The following CTNND2 variants were observed in gnomAD, a reference collection of about 807,000 sequenced individuals.
CTNND2 encodes catenin delta-2.
In CTNND2, 22 loss-of-function variants were observed where a neutral mutation model predicts 144.4. The observed-to-expected ratio is 0.15, with a 90% CI of 0.11 to 0.22. The LOEUF (loss-of-function observed/expected upper bound fraction) is 0.22. Ranked by LOEUF, CTNND2 falls within the 10% of genes least tolerant of loss-of-function variation. The pLI is 1.00. For synonymous variants in CTNND2, 751 were observed against 695.6 expected, an observed-to-expected ratio of 1.08 and a Z score of -1.25; for missense variants, 1,353 against 1,618.8, an observed-to-expected ratio of 0.84 and a Z score of 2.82.
intron 14 of CTNND2, among the ~76,000 whole-genome samples, chr5:11,101,201 C>A (rs1174890163): frequency 6.6e-6 from 1 of 152,136 alleles, no homozygotes; most frequent in East Asian, 1.9e-4. Flanking sequence ...GTACTTTATT[C>A]AAACTTTTAT....
intron 16 of CTNND2, among the ~76,000 whole-genome samples, chr5:11,081,025 C>T (rs61757073): frequency 1.3e-5 from 2 of 151,732 alleles, no homozygotes; most frequent in East Asian, 3.9e-4. Flanking sequence ...TGCAGTAAGT[C>T]AAGATTATGC....
chr5:11,642,692 A>G (rs570744725), intron 2 of CTNND2, among the ~76,000 whole-genome samples: 3 of 152,356 alleles, frequency 2.0e-5, no homozygotes, highest in Non-Finnish European at 2.9e-5. Flanking sequence ...GGCACAGGCA[A>G]TAAGGGTGAC....
At chr5:11,443,294 GTGTGTGCA>G (rs1764474287) in intron 3 of CTNND2, among the ~76,000 whole-genome samples, 2 of 93,892 alleles carry the variant, frequency 2.1e-5, no homozygotes, top group African/African-American at 1.6e-4. Flanking sequence ...TGTGTGTGGT[GTGTGTGCA>G]TGTGTGTGGT....
In CTNND2 at chr5:11,903,513, G is replaced by T; in HGVS notation, c.37+304C>A. 1 of 625,772 alleles carries T rather than the reference G, an allele frequency of 1.6e-6. No homozygotes were observed. Among genetic ancestry groups the T allele is most frequent in the Non-Finnish European group, 2.3e-6 (1 of 434,640 alleles). The allele number at this position is 625,772 out of a possible 1,614,324, so 38.8% of individuals were successfully genotyped here. A position where few individuals can be genotyped will look rare whatever the true frequency, so the allele number is the denominator to read the frequency against. ...CAGGGTGGCGGGGAGCAGCATTGTCGGTGTTGCCCTAAATACGCTTCCTCC... is the reference window on the plus strand; with the variant it reads ...CAGGGTGGCGGGGAGCAGCATTGTCTGTGTTGCCCTAAATACGCTTCCTCC... On this transcript the variant is annotated intron_variant, in intron 1 of 21. Coordinates refer to ENST00000304623, the MANE Select transcript of CTNND2 (RefSeq NM_001332.4). This position sits in a 1 kb window ranked among gnomAD's most constrained non-coding sequence, Gnocchi z 5.4.
At chr5:11,037,453 A>T (rs571559132) in intron 16 of CTNND2, among the ~76,000 whole-genome samples, 1 of 152,314 alleles carries the variant, frequency 6.6e-6, no homozygotes, top group Non-Finnish European at 1.5e-5. Flanking sequence ...AGTTACACGC[A>T]TCCCTATATC....
intron 1 of CTNND2, among the ~76,000 whole-genome samples, chr5:11,899,961 A>G (rs1179650740): frequency 3.9e-5 from 6 of 152,206 alleles, no homozygotes; most frequent in South Asian, 4.1e-4. Context: ...TTGTCATTTC[A>G]GATCACAAAC....
chr5:11,736,710 C>A (rs115867540), intron 1 of CTNND2, among the ~76,000 whole-genome samples: 211 of 152,278 alleles, frequency 1.4e-3, no homozygotes, highest in African/African-American at 5.0e-3. Context: ...AGTATTTAAT[C>A]TGTGCAACCA....
chr5:11,583,943 C>A (rs895900102), intron 2 of CTNND2, among the ~76,000 whole-genome samples: 13 of 152,182 alleles, frequency 8.5e-5, no homozygotes, highest in African/African-American at 3.1e-4. Flanking sequence ...AACTGAAAGT[C>A]TCCCTTTTTA....
At chr5:11,790,091 T>G (rs1791053905) in intron 1 of CTNND2, among the ~76,000 whole-genome samples, 1 of 152,222 alleles carries the variant, frequency 6.6e-6, no homozygotes, top group African/African-American at 2.4e-5. Context: ...CTTCGAGGAT[T>G]GAATTTGCTC....
rs750212865 is a variant in CTNND2, at chr5:11,364,649, G to C, written c.1372+47C>G. 22 of 1,510,122 alleles carry C rather than the reference G, an allele frequency of 1.5e-5. No homozygotes were observed. In the African/African-American group the frequency reaches 2.4e-4, roughly 16 times the overall value. The allele number at this position is 1,510,122 out of a possible 1,614,324, so 93.5% of individuals were successfully genotyped here. A position where few individuals can be genotyped will look rare whatever the true frequency, so the allele number is the denominator to read the frequency against. ...AGTGTTATTGAAGCTCCCGCGCAGAGCCCACCCCCTGTGGACAGGCCACCC... is the reference window on the plus strand; with the variant it reads ...AGTGTTATTGAAGCTCCCGCGCAGACCCCACCCCCTGTGGACAGGCCACCC... On this transcript the variant is annotated intron_variant, in intron 8 of 21. Coordinates refer to ENST00000304623, the MANE Select transcript of CTNND2 (RefSeq NM_001332.4).
intron 9 of CTNND2, among the ~76,000 whole-genome samples, chr5:11,327,673 G>A (rs183553842): frequency 1.6e-4 from 25 of 152,246 alleles, no homozygotes; most frequent in African/African-American, 3.9e-4. Context: ...ACATCATAAC[G>A]TCATAGCTTG....
At chr5:11,000,700 A>G (rs971589062) in intron 18 of CTNND2, among the ~76,000 whole-genome samples, 3 of 152,072 alleles carry the variant, frequency 2.0e-5, no homozygotes, top group Non-Finnish European at 4.4e-5. Flanking sequence ...GGAATTAGAG[A>G]GCTGTCAGGA....
At chr5:11,175,301 A>C (rs1429903524) in intron 11 of CTNND2, among the ~76,000 whole-genome samples, 3 of 152,178 alleles carry the variant, frequency 2.0e-5, no homozygotes, top group Non-Finnish European at 2.9e-5. Flanking sequence ...ATTATAAAAT[A>C]CACATGGTAA....
intron 7 of CTNND2, among the ~76,000 whole-genome samples, chr5:11,368,885 A>G (rs113462077): frequency 2.0e-3 from 302 of 152,328 alleles, no homozygotes; most frequent in Middle Eastern, 6.8e-3. Flanking sequence ...CAGATGAGAG[A>G]GACTATGTGT....
chr5:11,408,284 T>A (rs2149833363), intron 5 of CTNND2, among the ~76,000 whole-genome samples: 1 of 152,268 alleles, frequency 6.6e-6, no homozygotes. Flanking sequence ...CAATTTAGAT[T>A]TTTATTTTAT....
intron 15 of CTNND2, among the ~76,000 whole-genome samples, chr5:11,086,341 T>C (rs1750141059): frequency 6.6e-6 from 1 of 152,020 alleles, no homozygotes; most frequent in Admixed American, 6.5e-5. Flanking sequence ...ACAGAGTTGA[T>C]TCTACACTGA....
chr5:11,748,441 G>A (rs1273704461), intron 1 of CTNND2, among the ~76,000 whole-genome samples: 2 of 151,872 alleles, frequency 1.3e-5, no homozygotes, highest in African/African-American at 4.8e-5. Context: ...ACACTTCAGG[G>A]CTTCAAATAC....
At chr5:11,892,040 G>C (rs1171813944) in intron 1 of CTNND2, among the ~76,000 whole-genome samples, 2 of 152,200 alleles carry the variant, frequency 1.3e-5, no homozygotes, top group Admixed American at 6.5e-5. Flanking sequence ...GGTGATTCAT[G>C]AACAGCTTCA....
intron 3 of CTNND2, among the ~76,000 whole-genome samples, chr5:11,548,459 GATTT>G (rs763368525): frequency 3.9e-5 from 6 of 152,114 alleles, no homozygotes; most frequent in Non-Finnish European, 5.9e-5. Flanking sequence ...TAAAATATAA[GATTT>G]GTTTCTGAAA....
Sources: allele counts gnomAD v4.1 joint callset (sites outside exome capture counted in the v4.1 genomes callset), GRCh38; gene constraint gnomAD v4.1.1; non-coding constraint Gnocchi (gnomAD v3.1); transcripts MANE v1.5; gene names NCBI Gene and HGNC (gene_info 2026-07-23, HGNC 2026-07-21).